Variants in COLEC12 observed in about 807,000 individuals in gnomAD.
COLEC12 encodes the protein collectin-12.
In COLEC12, 33 loss-of-function variants were observed where a neutral mutation model predicts 71.1. The ratio of observed to expected loss-of-function variants is 0.46; its 90% CI spans 0.35 to 0.62. The LOEUF (loss-of-function observed/expected upper bound fraction) is 0.62. Among genes scored for constraint, COLEC12 ranks in the 20% least tolerant of loss-of-function variants. The probability of loss-of-function intolerance (pLI) is 0.00; values close to 1 mark genes in which losing one functional copy is unlikely to be tolerated. For missense variants in COLEC12, 765 were observed against 916.1 expected, an observed-to-expected ratio of 0.84 and a Z score of 2.13; for synonymous variants, 350 against 353.0, an observed-to-expected ratio of 0.99 and a Z score of 0.10.
chr18:500,438 C>A lies in COLEC12; in HGVS notation c.7+70G>T. The A allele has an allele frequency of 9.9e-7, 1 of 1,012,124 alleles. No individual in the cohort carries two copies. The highest frequency in any genetic ancestry group is 1.2e-6 in the Non-Finnish European group (1 of 818,002). 62.7% of individuals were successfully genotyped at this position (1,012,124 alleles called of 1,614,324 possible). A position where few individuals can be genotyped will look rare whatever the true frequency, so the allele number is the denominator to read the frequency against. On this transcript the variant is annotated intron_variant, in intron 1 of 9. Transcript: ENST00000400256. This position sits in a 1 kb window ranked among gnomAD's most constrained non-coding sequence, Gnocchi z 5.3. ...GGGAAGGTTCGCGCGGGAGGCACCT[C>A]CGTGGCCTCCCGCGCGCCCCGAAGC...
chr18:321,055 T>C (rs1180866750), intron 9 of COLEC12, among the ~76,000 whole-genome samples: 1 of 152,208 alleles, frequency 6.6e-6, no homozygotes, highest in Non-Finnish European at 1.5e-5. Context: ...ATTGGTGCTA[T>C]ATCTCTTTTC....
intron 3 of COLEC12, among the ~76,000 whole-genome samples, chr18:350,104 C>T (rs1186203704): frequency 6.6e-6 from 1 of 152,174 alleles, no homozygotes; most frequent in Non-Finnish European, 1.5e-5. Context: ...TGGAATGATA[C>T]AGTTTGGCTG....
chr18:385,640 T>C (rs1915329909), intron 2 of COLEC12, among the ~76,000 whole-genome samples: 1 of 152,202 alleles, frequency 6.6e-6, no homozygotes, highest in Non-Finnish European at 1.5e-5. Context: ...GAAATTTTTT[T>C]AAAGACAGAA....
rs34440882 is a variant in COLEC12 at position 322,193 on chromosome 18, TAC to T, written c.2064-388_2064-387del. ...ATATCTATTCATTATGAGGACATGA[TAC>T]ACACACACACACACACACACGCACA... On this transcript the variant is annotated intron_variant, in intron 8 of 9. Transcript: ENST00000400256. 9.2e-3 allele frequency among the ~76,000 whole-genome samples: 1,375 copies of T among 149,782 alleles called. 19 individuals are homozygous for T. The highest frequency in any genetic ancestry group is 0.031 in the African/African-American group (1,259 of 40,848).
At chr18:371,620 ATCT>A (rs1370249956) in intron 2 of COLEC12, among the ~76,000 whole-genome samples, 1 of 152,066 alleles carries the variant, frequency 6.6e-6, no homozygotes, top group South Asian at 2.1e-4. Context: ...AGAGAAGAAA[ATCT>A]TCTGATTATC....
intron 8 of COLEC12, among the ~76,000 whole-genome samples, chr18:331,309 C>T (rs539894803): frequency 4.6e-5 from 7 of 152,306 alleles, no homozygotes; most frequent in African/African-American, 1.2e-4. Context: ...ACGCCTGGGG[C>T]GAACGCTGAA....
At chr18:441,108 CGTG>C (rs1818221947) in intron 2 of COLEC12, among the ~76,000 whole-genome samples, 1 of 14,070 alleles carries the variant, frequency 7.1e-5, no homozygotes, top group Admixed American at 1.1e-3. Context: ...ATTGGCCAGG[CGTG>C]GTGGCGGGCG....
In COLEC12 at chr18:333,122, T is replaced by G; in HGVS notation, c.1838A>C (p.Asn613Thr). Residue 613 changes from asparagine to threonine, a missense_variant, in exon 7 of 10, where the codon AAC (asparagine) becomes ACC (threonine). Coordinates refer to ENST00000400256, the MANE Select transcript of COLEC12 (RefSeq NM_130386.3). ...AAAATAGTAGCATTTGTCTGTGAAG[T>G]TCTTCCAGTGAGGCGGGCAGCCTAG... ...EDNGCPPHWKNFTDKCYYFSV... is the reference protein window; with the variant it reads ...EDNGCPPHWKTFTDKCYYFSV... The G allele has an allele frequency of 6.2e-7, 1 of 1,608,414 alleles. No individual in the cohort carries two copies. Among genetic ancestry groups the G allele is most frequent in the East Asian group, 2.2e-5 (1 of 44,832 alleles).
intron 2 of COLEC12, among the ~76,000 whole-genome samples, chr18:472,936 C>T (rs2143757190): frequency 6.6e-6 from 1 of 152,052 alleles, no homozygotes; most frequent in South Asian, 2.1e-4. Flanking sequence ...GGGGTGGGAG[C>T]AGTCAGCAGT....
intron 2 of COLEC12, among the ~76,000 whole-genome samples, chr18:361,791 G>A (rs1045055034): frequency 2.6e-5 from 4 of 152,214 alleles, no homozygotes; most frequent in African/African-American, 7.2e-5. Flanking sequence ...ACGGGGTGCT[G>A]GCCTGACCTC....
Position 419,277 on chromosome 18 carries a change from C to T in COLEC12, c.58+61430G>A, listed in dbSNP as rs150160765. On this transcript the variant is annotated intron_variant, in intron 2 of 9. Transcript: ENST00000400256. ...CTGTTGTGCATTGGCACAATTTTGGCTCACTGCAACCTATGCCTCCTGGGT... is the reference window on the plus strand; with the variant it reads ...CTGTTGTGCATTGGCACAATTTTGGTTCACTGCAACCTATGCCTCCTGGGT... 2.8e-3 allele frequency among the ~76,000 whole-genome samples: 428 copies of T among 152,208 alleles called. 3 individuals are homozygous for T. The highest frequency in any genetic ancestry group is 9.9e-3 in the African/African-American group (410 of 41,528).
chr18:444,390 T>C (rs140555296), intron 2 of COLEC12, among the ~76,000 whole-genome samples: 372 of 152,260 alleles, frequency 2.4e-3, no homozygotes, highest in African/African-American at 8.5e-3. Flanking sequence ...GCTGATCCAG[T>C]GAAAATGCTG....
At chr18:431,915 T>A (rs1174577550) in intron 2 of COLEC12, among the ~76,000 whole-genome samples, 4 of 152,138 alleles carry the variant, frequency 2.6e-5, no homozygotes, top group Non-Finnish European at 5.9e-5. Context: ...CCCCTAACTC[T>A]TACAAAAACC....
At chr18:430,636 C>T (rs932019904) in intron 2 of COLEC12, among the ~76,000 whole-genome samples, 3 of 152,216 alleles carry the variant, frequency 2.0e-5, no homozygotes, top group African/African-American at 7.2e-5. Flanking sequence ...AAAAAGTAGT[C>T]ACTTTTTTAA....
In COLEC12 at chr18:334,819, G is replaced by A. The variant is rs764866916; in HGVS notation, c.1739C>T (p.Pro580Leu). The change falls in exon 6 of 10, where the codon CCC becomes CTC. Residue 580 changes from proline to leucine, a missense_variant. Transcript: ENST00000400256. ...VPGMPGPKGPPGPPGPSGAVV... is the reference protein window; with the variant it reads ...VPGMPGPKGPLGPPGPSGAVV... ...CGCTCCTGATGGGCCAGGAGGGCCG[G>A]GGGGGCCCTTGGGGCCTGGCATGCC... The A allele has an allele frequency of 9.2e-6, 14 of 1,520,624 alleles. No individual in the cohort carries two copies. The highest frequency in any genetic ancestry group is 1.1e-5 in the Non-Finnish European group (13 of 1,141,988). The allele number at this position is 1,520,624 out of a possible 1,614,324, so 94.2% of individuals were successfully genotyped here.
At chr18:405,027 C>T (rs551399275) in intron 2 of COLEC12, among the ~76,000 whole-genome samples, 7 of 152,196 alleles carry the variant, frequency 4.6e-5, no homozygotes, top group African/African-American at 1.7e-4. Context: ...CTGGGAATGT[C>T]TGTATGATGC....
At position 334,796 on chromosome 18, in the gene COLEC12, C is replaced by A; in HGVS notation, c.1762G>T (p.Ala588Ser). ...TTCTGCAGGGCCAGGGGCACCACCG[C>A]TCCTGATGGGCCAGGAGGGCCGGGG... ...GPPGPPGPSG[A>S]VVPLALQNEP... Residue 588 changes from alanine to serine, a missense_variant, in exon 6 of 10, where the codon GCG becomes TCG. Physicochemically the swap from Ala to Ser is moderately conservative, Grantham distance 99. Transcript: ENST00000400256. The A allele has an allele frequency of 6.7e-7, 1 of 1,500,872 alleles. No individual in the cohort carries two copies. The highest frequency in any genetic ancestry group is 1.4e-5 in the African/African-American group (1 of 68,984). The allele number at this position is 1,500,872 out of a possible 1,614,324, so 93.0% of individuals were successfully genotyped here. A position where few individuals can be genotyped will look rare whatever the true frequency, so the allele number is the denominator to read the frequency against.
chr18:460,586 G>C (rs773060130), intron 2 of COLEC12, among the ~76,000 whole-genome samples: 1 of 152,176 alleles, frequency 6.6e-6, no homozygotes, highest in Non-Finnish European at 1.5e-5. Flanking sequence ...ACAAAAGACA[G>C]TTGCTAAGTA....
At chr18:331,351 T>C (rs1057410620) in intron 8 of COLEC12, among the ~76,000 whole-genome samples, 5 of 152,240 alleles carry the variant, frequency 3.3e-5, no homozygotes, top group Admixed American at 6.5e-5. Flanking sequence ...TTCATCATCT[T>C]TTCCCATAGC....
Sources: gnomAD v4.1 joint callset for allele counts (sites outside exome capture counted in the v4.1 genomes callset) on GRCh38, gnomAD v4.1.1 for gene constraint, Gnocchi (gnomAD v3.1) non-coding constraint, MANE v1.5 for transcripts, NCBI Gene and HGNC (gene_info 2026-07-23, HGNC 2026-07-21) for gene names.